Variants in GPD2 observed in about 807,000 individuals in gnomAD.
GPD2 encodes the protein glycerol-3-phosphate dehydrogenase, mitochondrial.
In GPD2, 54 loss-of-function variants were observed where a neutral mutation model predicts 82.4. The ratio of observed to expected loss-of-function variants is 0.66; its 90% CI spans 0.53 to 0.82. The LOEUF (loss-of-function observed/expected upper bound fraction) is 0.82, where lower values mean the gene tolerates loss of function less well. GPD2 is among the 40% of genes least tolerant of loss of function. The pLI is 0.00. For missense variants in GPD2, 748 were observed against 896.2 expected, an observed-to-expected ratio of 0.83 and a Z score of 2.11; for synonymous variants, 288 against 306.1, an observed-to-expected ratio of 0.94 and a Z score of 0.62.
chr2:156,519,619 T>C (rs909601379), intron 6 of GPD2, among the ~76,000 whole-genome samples: 1 of 152,212 alleles, frequency 6.6e-6, no homozygotes, highest in Non-Finnish European at 1.5e-5. Context: ...GTGTAACACG[T>C]ATGTAAGTTG....
intron 3 of GPD2, among the ~76,000 whole-genome samples, chr2:156,498,234 A>G (rs554239412): frequency 2.6e-5 from 4 of 152,204 alleles, no homozygotes; most frequent in Non-Finnish European, 4.4e-5. Flanking sequence ...TACAATGAGC[A>G]TACAAAGATG....
At chr2:156,542,221 G>A (rs1417314204) in intron 6 of GPD2, among the ~76,000 whole-genome samples, 1 of 152,100 alleles carries the variant, frequency 6.6e-6, no homozygotes, top group Non-Finnish European at 1.5e-5. Context: ...AGAACTTAGG[G>A]TGAGACAAAG....
chr2:156,491,840 G>A (rs1205592626), intron 2 of GPD2, among the ~76,000 whole-genome samples: 1 of 151,910 alleles, frequency 6.6e-6, no homozygotes, highest in East Asian at 1.9e-4. Flanking sequence ...GGCCAAGATA[G>A]TGAAACCTGT....
chr2:156,448,858 G>T (rs1029486432), intron 1 of GPD2, among the ~76,000 whole-genome samples: 1 of 152,182 alleles, frequency 6.6e-6, no homozygotes, highest in African/African-American at 2.4e-5. Context: ...CATCATTCAG[G>T]ATGCCGGAAA....
rs1026257179 is a variant in GPD2 at position 156,584,079 on chromosome 2, C to G, written c.*1161C>G. 6.6e-6 allele frequency: 1 copy of G among 151,946 alleles called. No individual in the cohort carries two copies. Among genetic ancestry groups the G allele is most frequent in the Non-Finnish European group, 1.5e-5 (1 of 67,908 alleles). 9.4% of individuals were successfully genotyped at this position (151,946 alleles called of 1,614,324 possible). ...ACTCCATGGAAATATTCTCAGTAAACCAAAAACAAAAATGGAAAAATAATC... is the reference window on the plus strand; with the variant it reads ...ACTCCATGGAAATATTCTCAGTAAAGCAAAAACAAAAATGGAAAAATAATC... On this transcript the variant is annotated 3_prime_UTR_variant, in exon 17 of 17. Transcript: ENST00000438166.
intron 6 of GPD2, among the ~76,000 whole-genome samples, chr2:156,532,766 G>A (rs1685916458): frequency 6.6e-6 from 1 of 152,112 alleles, no homozygotes; most frequent in Non-Finnish European, 1.5e-5. Context: ...AAGGACATTG[G>A]GTAGTAGAGG....
chr2:156,530,808 C>T (rs962487103), intron 6 of GPD2, among the ~76,000 whole-genome samples: 10 of 152,090 alleles, frequency 6.6e-5, no homozygotes, highest in Non-Finnish European at 1.0e-4. Context: ...ATAAGCTTTT[C>T]GATGTGCTGC....
chr2:156,493,922 A>ATGTG (rs1281854521), intron 2 of GPD2, among the ~76,000 whole-genome samples: 7 of 79,100 alleles, frequency 8.8e-5, no homozygotes, highest in African/African-American at 3.5e-4. Context: ...TGTTATATAT[A>ATGTG]TGTATGTGTG....
intron 6 of GPD2, among the ~76,000 whole-genome samples, chr2:156,520,560 G>GTTAGTTATTTAT (rs1204142408): frequency 9.0e-5 from 13 of 143,964 alleles, no homozygotes; most frequent in African/African-American, 2.8e-4. Context: ...TATTTTTATT[G>GTTAGTTATTTAT]TTATTTATTT....
At chr2:156,473,494 G>T (rs1297382350) in intron 1 of GPD2, 1 of 152,112 alleles carries the variant, frequency 6.6e-6, no homozygotes, top group Non-Finnish European at 1.5e-5. Flanking sequence ...TCCCTGAGTT[G>T]GCCATGTTGA....
the GPD2 span, among the ~76,000 whole-genome samples, chr2:156,421,200 T>G: frequency 6.6e-6 from 1 of 152,204 alleles, no homozygotes; most frequent in Non-Finnish European, 1.5e-5. Context: ...TGGTGTAGTC[T>G]GAGGACTACC....
chr2:156,533,225 C>T (rs1685933582), intron 6 of GPD2, among the ~76,000 whole-genome samples: 1 of 152,164 alleles, frequency 6.6e-6, no homozygotes, highest in Non-Finnish European at 1.5e-5. Flanking sequence ...CTGAAGAGCA[C>T]TTAGCTAGAT....
chr2:156,429,586 A>T, the GPD2 span, among the ~76,000 whole-genome samples: 1 of 152,202 alleles, frequency 6.6e-6, no homozygotes, highest in African/African-American at 2.4e-5. Context: ...CTTTATATTG[A>T]TGCTTTAGAC....
At chr2:156,570,276 C>T in intron 12 of GPD2, 58 bp downstream of exon 12, 1 of 1,497,360 alleles carries the variant, frequency 6.7e-7, no homozygotes, top group Non-Finnish European at 9.3e-7. Context: ...TTTATCTGTT[C>T]ATTTGTCATC....
intron 3 of GPD2, among the ~76,000 whole-genome samples, chr2:156,508,561 G>T (rs555294044): frequency 6.2e-4 from 95 of 152,288 alleles, no homozygotes; most frequent in Non-Finnish European, 1.1e-3. Flanking sequence ...TGTGGGCTGT[G>T]GGGGAGGCTG....
chr2:156,447,449 G>A (rs557228857), intron 1 of GPD2, among the ~76,000 whole-genome samples: 8 of 151,614 alleles, frequency 5.3e-5, no homozygotes, highest in Non-Finnish European at 7.4e-5. Flanking sequence ...ATCCTCCTAC[G>A]TCAGCCTCCT....
At chr2:156,425,648 G>A in the GPD2 span, among the ~76,000 whole-genome samples, 3 of 152,098 alleles carry the variant, frequency 2.0e-5, no homozygotes, top group Admixed American at 6.5e-5. Flanking sequence ...GTAATTTCTG[G>A]TTTTCCTAGC....
chr2:156,463,704 C>T (rs1385856035), intron 1 of GPD2, among the ~76,000 whole-genome samples: 2 of 151,730 alleles, frequency 1.3e-5, no homozygotes, highest in South Asian at 4.2e-4. Context: ...TGATGATTTT[C>T]TTTTTTAATT....
chr2:156,576,434 G>A (rs1471381563), intron 13 of GPD2, among the ~76,000 whole-genome samples: 1 of 150,150 alleles, frequency 6.7e-6, no homozygotes, highest in African/African-American at 2.5e-5. Flanking sequence ...GAAAGCACAT[G>A]ATACTATCTT....
Sources: allele counts gnomAD v4.1 joint callset (sites outside exome capture counted in the v4.1 genomes callset), GRCh38; gene constraint gnomAD v4.1.1; transcripts MANE v1.5; gene names NCBI Gene and HGNC (gene_info 2026-07-23, HGNC 2026-07-21).